The following MYO3B variants were observed in gnomAD, a reference collection of about 807,000 sequenced individuals.
MYO3B encodes myosin IIIB, also known as myosin-IIIb.
A neutral mutation model predicts 174.6 loss-of-function variants in MYO3B; 156 were observed. That is an observed-to-expected ratio of 0.89 (90% CI 0.78 to 1.02). The LOEUF is 1.02. MYO3B is among the 50% of genes least tolerant of loss of function. The pLI is 0.00. For missense variants in MYO3B, 1,632 were observed against 1,639.4 expected (o/e 1.00, Z 0.08); for synonymous variants, 563 against 569.1 (o/e 0.99, Z 0.15).
intron 24 of MYO3B, among the ~76,000 whole-genome samples, chr2:170,466,157 A>T (rs1475120516): frequency 6.6e-6 from 1 of 152,220 alleles, no homozygotes; most frequent in African/African-American, 2.4e-5. Flanking sequence ...CAAAAGCTGG[A>T]CATTTTAAAT....
Position 170,421,794 on chromosome 2 carries a change from G to A in MYO3B, c.2650+13950G>A, listed in dbSNP as rs533431829. On this transcript the variant is annotated intron_variant, in intron 22 of 34. Transcript: ENST00000408978. ...GGGAAAATACGTGTATGATGTGGCTGTGGGGTGAAAAGAGCATCCCTTGAA... is the reference window on the plus strand; with the variant it reads ...GGGAAAATACGTGTATGATGTGGCTATGGGGTGAAAAGAGCATCCCTTGAA... Among the ~76,000 whole-genome samples, 3 of 152,308 alleles carry A rather than the reference G, an allele frequency of 2.0e-5. No individual in the cohort carries two copies. In the South Asian group the frequency reaches 6.2e-4, roughly 32 times the overall value.
At chr2:170,549,982 C>T (rs1230438875) in intron 32 of MYO3B, among the ~76,000 whole-genome samples, 1 of 152,164 alleles carries the variant, frequency 6.6e-6, no homozygotes, top group Admixed American at 6.5e-5. Flanking sequence ...TAATCTCCCT[C>T]AGGAAGGCAC....
At chr2:170,272,175 G>C (rs919850543) in intron 7 of MYO3B, among the ~76,000 whole-genome samples, 2 of 151,484 alleles carry the variant, frequency 1.3e-5, no homozygotes, top group African/African-American at 2.4e-5. Flanking sequence ...CATCACTTGG[G>C]AACATGTTAG....
At chr2:170,535,875 A>G (rs1689654952) in intron 30 of MYO3B, among the ~76,000 whole-genome samples, 1 of 152,216 alleles carries the variant, frequency 6.6e-6, no homozygotes, top group South Asian at 2.1e-4. Context: ...GTATCCCTTC[A>G]GATCACAATA....
At chr2:170,639,420 T>G (rs900869097) in intron 32 of MYO3B, among the ~76,000 whole-genome samples, 4 of 152,182 alleles carry the variant, frequency 2.6e-5, no homozygotes, top group Non-Finnish European at 4.4e-5. Context: ...GGATCAAGGT[T>G]AGGGAACTGC....
At chr2:170,652,043 C>T in intron 33 of MYO3B, 65 bp from the exon 34 acceptor site, 1 of 1,530,608 alleles carries the variant, frequency 6.5e-7, no homozygotes, top group Non-Finnish European at 8.9e-7. Flanking sequence ...CACAAAATCA[C>T]TTTGAATTAA....
At chr2:170,361,459 C>T (rs1371346910) in intron 8 of MYO3B, among the ~76,000 whole-genome samples, 1 of 152,198 alleles carries the variant, frequency 6.6e-6, no homozygotes, top group Non-Finnish European at 1.5e-5. Context: ...CTTAAGACTG[C>T]CTTAATTCTC....
chr2:170,591,820 G>A lies in MYO3B; in HGVS notation c.3733+47832G>A, dbSNP rs577919634. On this transcript the variant is annotated intron_variant, in intron 32 of 34. Transcript: ENST00000408978. ...AATAATGTATATACAGAATGCACCA[G>A]TATTACGTATTGAACTTAAAAACAC... 3.9e-5 allele frequency among the ~76,000 whole-genome samples: 6 copies of A among 152,266 alleles called. No homozygotes were observed. The South Asian group carries it at 1.0e-3, about 26-fold the overall frequency.
intron 23 of MYO3B, among the ~76,000 whole-genome samples, chr2:170,461,370 A>T (rs1021481193): frequency 3.3e-5 from 5 of 150,460 alleles, no homozygotes; most frequent in African/African-American, 9.8e-5. Flanking sequence ...GCTACTCAGC[A>T]GGCTGAGGCA....
chr2:170,473,139 C>CTTTTTT (rs66837903), intron 25 of MYO3B, among the ~76,000 whole-genome samples: 1,992 of 96,590 alleles, frequency 0.021, 15 homozygotes, highest in Non-Finnish European at 0.029. Flanking sequence ...TTTTTCTTTT[C>CTTTTTT]TTTTTTTTTT....
intron 32 of MYO3B, among the ~76,000 whole-genome samples, chr2:170,635,609 A>G (rs1052057320): frequency 1.3e-5 from 2 of 152,222 alleles, no homozygotes; most frequent in Admixed American, 6.5e-5. Flanking sequence ...AACTTAAAGT[A>G]TAATAAAATA....
At position 170,494,505 on chromosome 2, in the gene MYO3B, A is replaced by C. The variant is rs374027187; in HGVS notation, c.3015-4087A>C. Reference sequence around the variant, plus strand: ...CACTTTGGGAGGCTGAGGCGGGCAGATCACTTGAGGTCAGGAATTCAAGAT... The same window carrying C: ...CACTTTGGGAGGCTGAGGCGGGCAGCTCACTTGAGGTCAGGAATTCAAGAT... On this transcript the variant is annotated intron_variant, in intron 25 of 34. Transcript: ENST00000408978. Among the ~76,000 whole-genome samples the C allele has an allele frequency of 8.5e-4, 130 of 152,272 alleles. 1 individual carries two copies. The South Asian group carries it at 0.024, about 28-fold the overall frequency.
At chr2:170,379,905 G>A (rs1448184913) in intron 9 of MYO3B, among the ~76,000 whole-genome samples, 2 of 152,174 alleles carry the variant, frequency 1.3e-5, no homozygotes, top group African/African-American at 4.8e-5. Context: ...TAACTTAATA[G>A]GCTAGAAAGA....
intron 14 of MYO3B, among the ~76,000 whole-genome samples, chr2:170,388,579 A>G (rs1291768915): frequency 6.6e-6 from 1 of 152,180 alleles, no homozygotes; most frequent in Non-Finnish European, 1.5e-5. Context: ...GTTTTCAAGC[A>G]GGGGAGTCAC....
At chr2:170,396,022 T>G (rs1027435321) in intron 16 of MYO3B, among the ~76,000 whole-genome samples, 39 of 152,380 alleles carry the variant, frequency 2.6e-4, no homozygotes, top group African/African-American at 9.1e-4. Flanking sequence ...GGAGAAATGC[T>G]CTTTCTTCCC....
intron 32 of MYO3B, among the ~76,000 whole-genome samples, chr2:170,575,850 G>T (rs1433156877): frequency 6.6e-6 from 1 of 152,100 alleles, no homozygotes. Context: ...ATCGTAACTG[G>T]CAGGGACAGG....
intron 30 of MYO3B, among the ~76,000 whole-genome samples, chr2:170,523,181 C>G (rs1414220010): frequency 6.6e-6 from 1 of 152,212 alleles, no homozygotes; most frequent in Non-Finnish European, 1.5e-5. Flanking sequence ...GAGTCTTACT[C>G]TTTCTTGTAT....
At chr2:170,365,144 C>G (rs777910402) in intron 8 of MYO3B, among the ~76,000 whole-genome samples, 38 of 152,268 alleles carry the variant, frequency 2.5e-4, no homozygotes, top group Non-Finnish European at 5.0e-4. Context: ...TTGTTTCGTA[C>G]GTTGTACCTT....
Position 170,519,529 on chromosome 2 carries a change from A to C in MYO3B, c.3564A>C (p.Thr1188=). 6.2e-7 allele frequency: 1 copy of C among 1,613,932 alleles called. No individual in the cohort carries two copies. The highest frequency in any genetic ancestry group is 8.5e-7 in the Non-Finnish European group (1 of 1,179,864). ...TQTSSNSPAV[T]EKNGHSQAQS... is the part of the protein sequence containing the mutation. ...CTTCAAGCAACTCTCCTGCTGTCAC[A>C]GAGAAAAATGGGTGAGCATTATCTG... Residue 1188 remains threonine (T), a synonymous_variant, in exon 30 of 35, where the codon ACA becomes ACC. Coordinates refer to ENST00000408978, the MANE Select transcript of MYO3B (RefSeq NM_138995.5).
Sources: allele counts gnomAD v4.1 joint callset (sites outside exome capture counted in the v4.1 genomes callset), GRCh38; gene constraint gnomAD v4.1.1; transcripts MANE v1.5; gene names NCBI Gene and HGNC (gene_info 2026-07-23, HGNC 2026-07-21).